AGBL1: variants seen among roughly 807,000 people sequenced by gnomAD.
AGBL1 encodes AGBL carboxypeptidase 1, also known as cytosolic carboxypeptidase 4.
A neutral mutation model predicts 118.9 loss-of-function variants in AGBL1; 130 were observed. That is an observed-to-expected ratio of 1.09 (90% CI 0.95 to 1.26). The LOEUF is 1.26. AGBL1 is among the 50% of genes most tolerant of loss of function. AGBL1 has a pLI of 0.00. For synonymous variants in AGBL1, 555 were observed against 478.9 expected, an observed-to-expected ratio of 1.16 and a Z score of -2.08; for missense variants, 1,584 against 1,298.1, an observed-to-expected ratio of 1.22 and a Z score of -3.38.
At chr15:86,996,677 T>C (rs1235658974) in intron 24 of AGBL1, among the ~76,000 whole-genome samples, 1 of 152,184 alleles carries the variant, frequency 6.6e-6, no homozygotes, top group African/African-American at 2.4e-5. Flanking sequence ...ATTTCTGTCA[T>C]TTCAGTAGGC....
chr15:86,860,325 C>A (rs189998860), intron 22 of AGBL1, among the ~76,000 whole-genome samples: 1 of 152,172 alleles, frequency 6.6e-6, no homozygotes, highest in Admixed American at 6.5e-5. Flanking sequence ...TTATTATTGA[C>A]TATAACAACT....
intron 9 of AGBL1, 107 bp downstream of exon 9, chr15:86,258,138 C>A: frequency 9.1e-7 from 1 of 1,095,280 alleles, no homozygotes; most frequent in Non-Finnish European, 1.3e-6. Context: ...TAAGAACTGA[C>A]TTTAGTACTG....
At chr15:86,322,584 G>A (rs373295482) in intron 17 of AGBL1, among the ~76,000 whole-genome samples, 3 of 151,744 alleles carry the variant, frequency 2.0e-5, no homozygotes, top group Non-Finnish European at 4.4e-5. Flanking sequence ...TTGTAATATC[G>A]CATTACTAGT....
At chr15:86,850,551 C>A (rs552608657) in intron 22 of AGBL1, among the ~76,000 whole-genome samples, 4 of 152,190 alleles carry the variant, frequency 2.6e-5, no homozygotes, top group African/African-American at 7.2e-5. Context: ...CCAGATAATT[C>A]TTTCTGCATC....
intron 5 of AGBL1, among the ~76,000 whole-genome samples, chr15:86,167,868 T>C (rs1225256478): frequency 6.6e-6 from 1 of 152,250 alleles, no homozygotes; most frequent in Admixed American, 6.5e-5. Context: ...GCTATTTTAA[T>C]ATTAGCTCTC....
At chr15:86,594,302 G>T (rs1301575521) in intron 21 of AGBL1, among the ~76,000 whole-genome samples, 1 of 151,974 alleles carries the variant, frequency 6.6e-6, no homozygotes, top group Non-Finnish European at 1.5e-5. Flanking sequence ...GAGTCATTTT[G>T]CAAATATTTT....
At chr15:86,307,719 T>C (rs2079861594) in intron 17 of AGBL1, among the ~76,000 whole-genome samples, 3 of 152,020 alleles carry the variant, frequency 2.0e-5, no homozygotes. Flanking sequence ...CTGGACAGTA[T>C]AGTGAGACCC....
intron 23 of AGBL1, among the ~76,000 whole-genome samples, chr15:86,970,382 A>C (rs1239963561): frequency 1.3e-5 from 2 of 151,964 alleles, no homozygotes. Flanking sequence ...TGCCAATTGT[A>C]TATCAGGCAC....
intron 22 of AGBL1, among the ~76,000 whole-genome samples, chr15:86,814,692 C>A (rs909489042): frequency 1.3e-5 from 2 of 152,118 alleles, no homozygotes; most frequent in African/African-American, 4.8e-5. Context: ...CTGGAGCTGC[C>A]ATATCAGGCC....
At chr15:86,639,886 G>A (rs1451997782) in intron 21 of AGBL1, among the ~76,000 whole-genome samples, 1 of 152,170 alleles carries the variant, frequency 6.6e-6, no homozygotes, top group Non-Finnish European at 1.5e-5. Flanking sequence ...TCTATAACCA[G>A]GCTGCAAACT....
At chr15:86,827,388 TATATATATAC>T (rs1436235363) in intron 22 of AGBL1, among the ~76,000 whole-genome samples, 1 of 8,688 alleles carries the variant, frequency 1.2e-4, no homozygotes, top group Non-Finnish European at 1.5e-4. Flanking sequence ...TATATACACA[TATATATATAC>T]ATATATATAT....
At chr15:86,461,007 T>G (rs566605634) in intron 18 of AGBL1, among the ~76,000 whole-genome samples, 1 of 152,200 alleles carries the variant, frequency 6.6e-6, no homozygotes, top group Non-Finnish European at 1.5e-5. Context: ...CAAAGAATGA[T>G]ATGATCTTAT....
At chr15:86,851,983 A>G (rs2141460318) in intron 22 of AGBL1, among the ~76,000 whole-genome samples, 1 of 152,218 alleles carries the variant, frequency 6.6e-6, no homozygotes, top group East Asian at 1.9e-4. Context: ...TGTTTTGCTC[A>G]CCATTGTCAT....
chr15:86,252,768 G>A (rs189246146), intron 7 of AGBL1, among the ~76,000 whole-genome samples: 1 of 152,198 alleles, frequency 6.6e-6, no homozygotes, highest in Non-Finnish European at 1.5e-5. Context: ...TGTGGAGAGC[G>A]AGTGGGACAA....
chr15:86,126,908 A>C (rs937478699), intron 1 of AGBL1, among the ~76,000 whole-genome samples: 2 of 152,168 alleles, frequency 1.3e-5, no homozygotes, highest in African/African-American at 4.8e-5. Context: ...TTTGAAGATG[A>C]GATTTGCTGG....
chr15:86,391,800 A>ACATTAAACCAT, intron 17 of AGBL1, among the ~76,000 whole-genome samples: 1 of 151,888 alleles, frequency 6.6e-6, no homozygotes, highest in South Asian at 2.1e-4. Flanking sequence ...TGCTTTAGTC[A>ACATTAAACCAT]CATTAAACCA....
chr15:86,572,851 C>T (rs1235074112), intron 21 of AGBL1, among the ~76,000 whole-genome samples: 1 of 152,252 alleles, frequency 6.6e-6, no homozygotes, highest in Non-Finnish European at 1.5e-5. Flanking sequence ...TCTCCTGTGA[C>T]TGCCCTGTAT....
At chr15:86,303,338 T>C (rs1233337998) in intron 17 of AGBL1, among the ~76,000 whole-genome samples, 4 of 152,104 alleles carry the variant, frequency 2.6e-5, no homozygotes, top group Non-Finnish European at 4.4e-5. Flanking sequence ...AAGATAGGTC[T>C]AGGGAAATGG....
intron 22 of AGBL1, among the ~76,000 whole-genome samples, chr15:86,852,845 C>A (rs1415626293): frequency 6.6e-6 from 1 of 152,184 alleles, no homozygotes; most frequent in Non-Finnish European, 1.5e-5. Context: ...GCTCTCAGGC[C>A]TGGTTGCATA....
Sources: gnomAD v4.1 joint callset for allele counts (sites outside exome capture counted in the v4.1 genomes callset) on GRCh38, gnomAD v4.1.1 for gene constraint, MANE v1.5 for transcripts, NCBI Gene and HGNC (gene_info 2026-07-23, HGNC 2026-07-21) for gene names.